Variants in ZNF385D observed in about 807,000 individuals in gnomAD.
ZNF385D encodes zinc finger protein 659.
In ZNF385D, 15 loss-of-function variants were observed where a neutral mutation model predicts 35.8. The observed-to-expected ratio is 0.42, with a 90% CI of 0.28 to 0.64. The LOEUF is 0.64. Ranked by LOEUF, ZNF385D falls within the 30% of genes least tolerant of loss-of-function variation. The pLI, the probability that ZNF385D is intolerant of heterozygous loss-of-function variation, is 0.23. For synonymous variants in ZNF385D, 212 were observed against 186.8 expected, an observed-to-expected ratio of 1.13 and a Z score of -1.10; for missense variants, 474 against 494.6, an observed-to-expected ratio of 0.96 and a Z score of 0.39.
intron 3 of ZNF385D, among the ~76,000 whole-genome samples, chr3:21,827,975 T>C (rs1164399835): frequency 6.6e-6 from 1 of 152,178 alleles, no homozygotes; most frequent in African/African-American, 2.4e-5. Context: ...TTACTATGAG[T>C]CAGTTGTGTT....
chr3:22,168,168 A>C (rs370476850), intron 3 of ZNF385D, among the ~76,000 whole-genome samples: 1 of 152,184 alleles, frequency 6.6e-6, no homozygotes, highest in African/African-American at 2.4e-5. Flanking sequence ...TTAGCTCTCT[A>C]AAGTCTCCTC....
rs139328408 is a variant in ZNF385D, at chr3:21,870,896, G to T, written c.326-205868C>A. The stretch of plus-strand genomic sequence containing the variant: ...CACTACCATTCTTATCCAAGCCACA[G>T]CTCTCAACTCCAGACATGTCTTCCT... On this transcript the variant is annotated intron_variant, in intron 3 of 5. Coordinates refer to the ZNF385D transcript ENST00000494108. 4.1e-3 allele frequency among the ~76,000 whole-genome samples: 619 copies of T among 152,138 alleles called. 13 individuals carry two copies. Among genetic ancestry groups the T allele is most frequent in the Admixed American group, 0.038 (573 of 15,272 alleles).
chr3:22,050,505 G>T (rs1699284167), intron 3 of ZNF385D, among the ~76,000 whole-genome samples: 1 of 152,130 alleles, frequency 6.6e-6, no homozygotes, highest in Admixed American at 6.5e-5. Context: ...TTTCATTATT[G>T]ATTTAATTTG....
chr3:21,898,767 C>A (rs940607478), intron 3 of ZNF385D, among the ~76,000 whole-genome samples: 1 of 152,104 alleles, frequency 6.6e-6, no homozygotes, highest in African/African-American at 2.4e-5. Context: ...TTTCCCTGAT[C>A]TTATAATCTT....
At chr3:22,144,226 T>A (rs74991026) in intron 3 of ZNF385D, among the ~76,000 whole-genome samples, 26 of 152,146 alleles carry the variant, frequency 1.7e-4, no homozygotes, top group African/African-American at 6.0e-4. Context: ...AGAGACAACA[T>A]TTACAGGACA....
At chr3:22,019,348 C>T (rs535253029) in intron 3 of ZNF385D, among the ~76,000 whole-genome samples, 1 of 151,942 alleles carries the variant, frequency 6.6e-6, no homozygotes, top group African/African-American at 2.4e-5. Flanking sequence ...TGGGAAATTT[C>T]ACTGTAATTC....
At chr3:21,934,439 G>T (rs951400062) in intron 3 of ZNF385D, among the ~76,000 whole-genome samples, 3 of 152,052 alleles carry the variant, frequency 2.0e-5, no homozygotes, top group African/African-American at 7.2e-5. Context: ...ATAATTAGTA[G>T]CAACCACCAT....
intron 2 of ZNF385D, among the ~76,000 whole-genome samples, chr3:21,596,275 A>G (rs1031035972): frequency 6.6e-6 from 1 of 152,180 alleles, no homozygotes; most frequent in African/African-American, 2.4e-5. Context: ...TTATAACACA[A>G]AAGGATAAAT....
intron 2 of ZNF385D, among the ~76,000 whole-genome samples, chr3:22,353,220 T>C (rs1695997373): frequency 1.3e-5 from 2 of 152,184 alleles, no homozygotes; most frequent in Admixed American, 1.3e-4. Flanking sequence ...TCATTCAGTG[T>C]AGGTCCCCCT....
intron 2 of ZNF385D, among the ~76,000 whole-genome samples, chr3:21,612,499 A>C (rs1382022794): frequency 6.6e-6 from 1 of 152,202 alleles, no homozygotes; most frequent in Non-Finnish European, 1.5e-5. Context: ...TCTTCAAGCT[A>C]GTCAATTGGG....
At chr3:21,981,410 G>C (rs1694441388) in intron 3 of ZNF385D, among the ~76,000 whole-genome samples, 1 of 151,988 alleles carries the variant, frequency 6.6e-6, no homozygotes, top group Admixed American at 6.6e-5. Flanking sequence ...TTTTAAATGA[G>C]GCTATTTGTT....
intron 3 of ZNF385D, among the ~76,000 whole-genome samples, chr3:21,874,434 A>G (rs1697858016): frequency 6.6e-6 from 1 of 151,962 alleles, no homozygotes. Context: ...GTTTGCAAAT[A>G]TTTTCTCCCA....
chr3:22,221,916 G>C (rs149519191), intron 2 of ZNF385D, among the ~76,000 whole-genome samples: 1 of 152,158 alleles, frequency 6.6e-6, no homozygotes, highest in South Asian at 2.1e-4. Context: ...AATGCATACA[G>C]AGAAACCATA....
intron 2 of ZNF385D, among the ~76,000 whole-genome samples, chr3:22,204,290 C>G (rs1229885690): frequency 6.6e-6 from 1 of 152,048 alleles, no homozygotes; most frequent in Admixed American, 6.6e-5. Flanking sequence ...TTTACAGGGC[C>G]TGGGGTGCCA....
intron 2 of ZNF385D, among the ~76,000 whole-genome samples, chr3:21,637,313 A>G (rs186606393): frequency 6.6e-6 from 1 of 152,188 alleles, no homozygotes; most frequent in Admixed American, 6.5e-5. Context: ...TCATTCTCCT[A>G]CAGGTGGTTT....
At chr3:21,810,921 CAT>C (rs1040587412) in intron 3 of ZNF385D, among the ~76,000 whole-genome samples, 5 of 149,850 alleles carry the variant, frequency 3.3e-5, no homozygotes, top group African/African-American at 1.2e-4. Flanking sequence ...ATAATGAAAA[CAT>C]ATATACACAC....
chr3:22,012,268 T>C (rs1696624547), intron 3 of ZNF385D, among the ~76,000 whole-genome samples: 2 of 152,150 alleles, frequency 1.3e-5, no homozygotes, highest in African/African-American at 4.8e-5. Context: ...CAAGCTAAAA[T>C]TGAAATACGT....
rs1197107602 is a variant in ZNF385D at position 22,285,075 on chromosome 3, T to C, written c.106+87375A>G. 4.6e-5 allele frequency among the ~76,000 whole-genome samples: 7 copies of C among 152,086 alleles called. No homozygotes were observed. In the East Asian group the frequency reaches 1.4e-3, roughly 29 times the overall value. On this transcript the variant is annotated intron_variant, in intron 2 of 5. Coordinates refer to the ZNF385D transcript ENST00000494108. ...CCACTTGAAACTGGCCATATACAAG[T>C]TTAATAGAAAAAAATTGGAATTTTT...
chr3:21,778,922 C>T (rs928808583), intron 3 of ZNF385D, among the ~76,000 whole-genome samples: 1 of 151,906 alleles, frequency 6.6e-6, no homozygotes, highest in African/African-American at 2.4e-5. Context: ...CTATTAATAT[C>T]CCTGCTTTTC....
Sources: allele counts gnomAD v4.1 joint callset (sites outside exome capture counted in the v4.1 genomes callset), GRCh38; gene constraint gnomAD v4.1.1; transcripts MANE v1.5; gene names NCBI Gene and HGNC (gene_info 2026-07-23, HGNC 2026-07-21).